The following PTPRK variants were observed in gnomAD, a reference collection of about 807,000 sequenced individuals.
The protein encoded by PTPRK is receptor-type tyrosine-protein phosphatase kappa.
Under a neutral mutation model 178.0 loss-of-function variants are expected in PTPRK, and 75 were observed. That is an observed-to-expected ratio of 0.42 (90% CI 0.35 to 0.51). The LOEUF is 0.51. Among genes scored for constraint, PTPRK ranks in the 20% least tolerant of loss-of-function variants. The probability of loss-of-function intolerance (pLI) is 0.02; values close to 1 mark genes in which losing one functional copy is unlikely to be tolerated. For synonymous variants in PTPRK, 637 were observed against 620.6 expected, an observed-to-expected ratio of 1.03 and a Z score of -0.39; for missense variants, 1,441 against 1,797.8, an observed-to-expected ratio of 0.80 and a Z score of 3.59.
chr6:128,112,607 C>A (rs564817897), intron 7 of PTPRK, among the ~76,000 whole-genome samples: 1 of 152,212 alleles, frequency 6.6e-6, no homozygotes, highest in African/African-American at 2.4e-5. Context: ...TGGAAGAGCT[C>A]TTGACAGGTT....
intron 1 of PTPRK, among the ~76,000 whole-genome samples, chr6:128,493,955 C>T (rs1298110766): frequency 3.3e-5 from 5 of 152,172 alleles, no homozygotes; most frequent in Non-Finnish European, 1.5e-5. Context: ...GACTGAAGCT[C>T]CTAGAGGGCA....
intron 1 of PTPRK, among the ~76,000 whole-genome samples, chr6:128,482,281 C>T (rs938364152): frequency 2.6e-5 from 4 of 152,122 alleles, no homozygotes; most frequent in Admixed American, 6.6e-5. Context: ...AAATACATTT[C>T]GGAGTTGCAT....
intron 1 of PTPRK, among the ~76,000 whole-genome samples, chr6:128,464,632 T>C (rs9482881): frequency 1.3e-4 from 7 of 53,682 alleles, no homozygotes; most frequent in African/African-American, 5.0e-4. Flanking sequence ...TATATATATA[T>C]ATACACATAT....
Position 127,984,189 on chromosome 6 carries a change from A to C in PTPRK, c.3252-812T>G, listed in dbSNP as rs140784882. On this transcript the variant is annotated intron_variant, in intron 22 of 29. Coordinates refer to ENST00000368226, the MANE Select transcript of PTPRK (RefSeq NM_002844.4). ...TACACATAATGTAGAGTGATCAGAA[A>C]AGGGTGATTGGCATATGCGTCCTCT... Among the ~76,000 whole-genome samples, 1,472 of 152,284 alleles carry C rather than the reference A, an allele frequency of 9.7e-3. 26 individuals are homozygous for C. Among genetic ancestry groups the C allele is most frequent in the African/African-American group, 0.033 (1,386 of 41,550 alleles).
intron 2 of PTPRK, among the ~76,000 whole-genome samples, chr6:128,361,620 T>C (rs1485242447): frequency 6.6e-6 from 1 of 152,194 alleles, no homozygotes; most frequent in Non-Finnish European, 1.5e-5. Context: ...TGATATAGTC[T>C]ATTGCTCCTA....
At chr6:128,169,705 C>T (rs773922521) in intron 7 of PTPRK, among the ~76,000 whole-genome samples, 22 of 151,588 alleles carry the variant, frequency 1.5e-4, no homozygotes, top group Middle Eastern at 3.4e-3. Flanking sequence ...AATACATAGA[C>T]ATAACATAAT....
At chr6:128,068,492 C>G (rs1782229073) in intron 11 of PTPRK, among the ~76,000 whole-genome samples, 2 of 152,090 alleles carry the variant, frequency 1.3e-5, no homozygotes, top group Non-Finnish European at 2.9e-5. Flanking sequence ...AAAGCTCTAA[C>G]CTAAACCTTC....
At chr6:128,492,581 A>G (rs181212007) in intron 1 of PTPRK, among the ~76,000 whole-genome samples, 103 of 152,292 alleles carry the variant, frequency 6.8e-4, no homozygotes, top group Non-Finnish European at 1.0e-3. Context: ...AGACACAATA[A>G]TATTTATTTT....
At position 128,082,503 on chromosome 6, in the gene PTPRK, T is replaced by C. The variant is rs137966328; in HGVS notation, c.1711A>G (p.Ile571Val). 4.9e-5 allele frequency: 79 copies of C among 1,613,580 alleles called. No homozygotes were observed. The African/African-American group carries it at 7.9e-4, about 16-fold the overall frequency. Reference sequence around the variant, plus strand: ...AAGCCTTTGACCGTGCTGGCTCTTATGAAAAACTGGTACGTGGTTCCAGGG... The same window carrying C: ...AAGCCTTTGACCGTGCTGGCTCTTACGAAAAACTGGTACGTGGTTCCAGGG... Reference protein sequence around the residue: ...LHPGTTYQFFIRASTVKGFGP... With the variant: ...LHPGTTYQFFVRASTVKGFGP... Residue 571 changes from isoleucine to valine, a missense_variant, in exon 10 of 30, where the codon ATA becomes GTA. Ile to Val is a conservative substitution (Grantham distance 29, BLOSUM62 3). This residue lies in a region of PTPRK where 945 missense variants were observed against 1,080.6 expected (regional missense o/e 0.87). Transcript: ENST00000368226.
chr6:128,099,403 G>C (rs1426389452), intron 7 of PTPRK, among the ~76,000 whole-genome samples: 1 of 151,666 alleles, frequency 6.6e-6, no homozygotes, highest in Non-Finnish European at 1.5e-5. Flanking sequence ...TCGTGACATG[G>C]AGCTCTTCTC....
intron 1 of PTPRK, among the ~76,000 whole-genome samples, chr6:128,440,301 T>C (rs551222309): frequency 3.3e-5 from 5 of 152,294 alleles, no homozygotes; most frequent in East Asian, 3.9e-4. Flanking sequence ...ACTGTCTTCA[T>C]GGTAGGTTAT....
At chr6:128,502,253 C>G (rs530888610) in intron 1 of PTPRK, among the ~76,000 whole-genome samples, 1 of 152,304 alleles carries the variant, frequency 6.6e-6, no homozygotes, top group African/African-American at 2.4e-5. Flanking sequence ...ATAGTCATAT[C>G]AGCACCTGAG....
intron 5 of PTPRK, among the ~76,000 whole-genome samples, chr6:128,222,665 G>C (rs1810630719): frequency 6.6e-6 from 1 of 152,096 alleles, no homozygotes; most frequent in African/African-American, 2.4e-5. Flanking sequence ...ACCTCATTTT[G>C]TGACCCTTAT....
At chr6:128,423,524 A>G (rs1456644100) in intron 1 of PTPRK, among the ~76,000 whole-genome samples, 1 of 152,062 alleles carries the variant, frequency 6.6e-6, no homozygotes, top group African/African-American at 2.4e-5. Flanking sequence ...ATTTATTTGA[A>G]CTTTTTTCAA....
At chr6:128,498,731 C>T (rs2128435629) in intron 1 of PTPRK, among the ~76,000 whole-genome samples, 1 of 152,140 alleles carries the variant, frequency 6.6e-6, no homozygotes, top group African/African-American at 2.4e-5. Flanking sequence ...GGAATAAAAA[C>T]ATATATCTTG....
chr6:128,075,866 T>C (rs1783722334), intron 11 of PTPRK, among the ~76,000 whole-genome samples: 1 of 151,874 alleles, frequency 6.6e-6, no homozygotes. Flanking sequence ...GATGAATAGA[T>C]GGTGAAATGC....
At chr6:128,220,454 G>A (rs1810188723) in intron 5 of PTPRK, among the ~76,000 whole-genome samples, 1 of 152,126 alleles carries the variant, frequency 6.6e-6, no homozygotes, top group Admixed American at 6.5e-5. Flanking sequence ...ATTTCTTGTT[G>A]GTGAAATTCT....
intron 24 of PTPRK, among the ~76,000 whole-genome samples, chr6:127,982,177 T>A (rs1775419823): frequency 6.6e-6 from 1 of 152,174 alleles, no homozygotes; most frequent in Non-Finnish European, 1.5e-5. Context: ...CATCACATTG[T>A]GAGTGACCCA....
intron 7 of PTPRK, among the ~76,000 whole-genome samples, chr6:128,169,025 T>C (rs1282977281): frequency 6.6e-6 from 1 of 152,064 alleles, no homozygotes; most frequent in African/African-American, 2.4e-5. Flanking sequence ...TCTTTTTTTC[T>C]TGAAGTCAAA....
Sources: allele counts gnomAD v4.1 joint callset (sites outside exome capture counted in the v4.1 genomes callset), GRCh38; gene constraint gnomAD v4.1.1; regional missense constraint gnomAD v4.1.1; transcripts MANE v1.5; gene names NCBI Gene and HGNC (gene_info 2026-07-23, HGNC 2026-07-21).